The following EPN1 variants were observed in gnomAD, a reference collection of about 807,000 sequenced individuals.
EPN1 encodes epsin-1.
In EPN1, 25 loss-of-function variants were observed where a neutral mutation model predicts 56.9. The ratio of observed to expected loss-of-function variants is 0.44; its 90% CI spans 0.32 to 0.61. The LOEUF is 0.61. EPN1 is among the 20% of genes least tolerant of loss of function. The pLI is 0.05. For missense variants in EPN1, 785 were observed against 823.7 expected (o/e 0.95, Z 0.58); for synonymous variants, 411 against 361.8 (o/e 1.14, Z -1.54).
Position 55,694,414 on chromosome 19 carries a change from C to G in EPN1, c.1265-312C>G, listed in dbSNP as rs746143673. 3 of 315,346 alleles carry G rather than the reference C, an allele frequency of 9.5e-6. No individual in the cohort carries two copies. Among genetic ancestry groups the G allele is most frequent in the Non-Finnish European group, 1.7e-5 (3 of 173,568 alleles). 19.5% of individuals were successfully genotyped at this position (315,346 alleles called of 1,614,324 possible). ...TGAACACGCCCCCGCTGCCTTCCCC[C>G]GCGGGCCTATAGACCCTGGACGGCC... is the stretch of plus-strand genomic sequence containing the variant. On this transcript the variant is annotated intron_variant, in intron 9 of 10. Transcript: ENST00000270460. This position sits in a 1 kb window ranked among gnomAD's most constrained non-coding sequence, Gnocchi z 4.2.
intron 1 of EPN1, chr19:55,677,007 C>G (rs939650392): frequency 1.4e-5 from 16 of 1,107,956 alleles, no homozygotes. Flanking sequence ...TTTTGGGACT[C>G]CAGAGAGTTA....
Position 55,685,310 on chromosome 19 carries a change from G to A in EPN1, c.229-86G>A, listed in dbSNP as rs965572664. 2.5e-5 allele frequency: 38 copies of A among 1,515,916 alleles called. No individual in the cohort carries two copies. In the East Asian group the frequency reaches 7.1e-4, roughly 28 times the overall value. The allele number at this position is 1,515,916 out of a possible 1,614,324, so 93.9% of individuals were successfully genotyped here. The stretch of plus-strand genomic sequence containing the variant: ...TGGGTTGTGGGCCTTGCGCCCAGTC[G>A]GCCGCCCCAGAGCCCGCGTCGCAGG... On this transcript the variant is annotated intron_variant, in intron 2 of 10. Coordinates refer to ENST00000270460, the MANE Select transcript of EPN1 (RefSeq NM_001130072.2).
chr19:55,688,801 C>A, intron 3 of EPN1, 69 bp from the exon 4 acceptor site: 1 of 1,545,446 alleles, frequency 6.5e-7, no homozygotes, highest in Non-Finnish European at 8.7e-7. Flanking sequence ...CCCCGTCTGT[C>A]TAGGCTATGG....
intron 7 of EPN1, 48 bp from the exon 8 acceptor site, chr19:55,692,638 T>A (rs1179127089): frequency 7.8e-7 from 1 of 1,280,410 alleles, no homozygotes; most frequent in Non-Finnish European, 1.1e-6. Context: ...CCTAGCCATC[T>A]GGGCAGTCAA....
intron 2 of EPN1, among the ~76,000 whole-genome samples, chr19:55,679,312 A>C (rs1017286082): frequency 1.3e-5 from 2 of 152,252 alleles, no homozygotes; most frequent in Non-Finnish European, 2.9e-5. Flanking sequence ...CTTGGGGTCC[A>C]GGGGCCTTGG....
rs140100359 is a variant in EPN1 at position 55,682,728 on chromosome 19, C to T, written c.229-2668C>T. The stretch of plus-strand genomic sequence containing the variant: ...GGTTACAGGATTTTGCCACTGCACC[C>T]GATTTTATATATTTATTTAATTATT... On this transcript the variant is annotated intron_variant, in intron 2 of 10. Coordinates refer to ENST00000270460, the MANE Select transcript of EPN1 (RefSeq NM_001130072.2). 2.6e-5 allele frequency among the ~76,000 whole-genome samples: 4 copies of T among 151,846 alleles called. No individual in the cohort carries two copies. In the East Asian group the frequency reaches 5.8e-4, roughly 22 times the overall value.
In EPN1 at chr19:55,700,762, G is replaced by A. The variant is rs1987105701; in HGVS notation, c.*5406G>A. On this transcript the variant is annotated 3_prime_UTR_variant, in exon 11 of 11. Transcript: ENST00000270460. Reference sequence around the variant, plus strand: ...ACATGCTCTCTAGTAATCGTTGTGTGTTACTGTCAAAAGGTATAACTCATG... The same window carrying A: ...ACATGCTCTCTAGTAATCGTTGTGTATTACTGTCAAAAGGTATAACTCATG... The A allele has an allele frequency of 6.6e-6, 1 of 152,274 alleles. No homozygotes were observed. 9.4% of individuals were successfully genotyped at this position (152,274 alleles called of 1,614,324 possible).
chr19:55,690,590 G>A (rs1250614039), intron 6 of EPN1, among the ~76,000 whole-genome samples: 1 of 152,138 alleles, frequency 6.6e-6, no homozygotes, highest in African/African-American at 2.4e-5. Flanking sequence ...CTCCTCCCCT[G>A]GCCTCTCCCT....
intron 3 of EPN1, 69 bp from the exon 4 acceptor site, chr19:55,688,801 C>T: frequency 6.5e-7 from 1 of 1,545,446 alleles, no homozygotes; most frequent in Non-Finnish European, 8.7e-7. Context: ...CCCCGTCTGT[C>T]TAGGCTATGG....
At position 55,694,365 on chromosome 19, in the gene EPN1, C is replaced by G. The variant is rs1986779233; in HGVS notation, c.1265-361C>G. ...TACTCAAGGAGCGTCTGAGGGCAGG[C>G]TCCTCTGAGCCTGGAGGCACCTGTG... On this transcript the variant is annotated intron_variant, in intron 9 of 10. Transcript: ENST00000270460. The surrounding 1 kb of genome is among the most constrained non-coding windows in gnomAD (Gnocchi z 4.2). The G allele has an allele frequency of 4.2e-6, 1 of 237,838 alleles. No individual in the cohort carries two copies. The highest frequency in any genetic ancestry group is 2.2e-5 in the African/African-American group (1 of 44,536). 14.7% of individuals were successfully genotyped at this position (237,838 alleles called of 1,614,324 possible).
At chr19:55,685,903 A>C (rs565896107) in intron 3 of EPN1, among the ~76,000 whole-genome samples, 15 of 152,122 alleles carry the variant, frequency 9.9e-5, no homozygotes, top group Admixed American at 8.5e-4. Flanking sequence ...GGGAACTTTT[A>C]TTCCGCTCCC....
At position 55,706,738 on chromosome 19, in the gene EPN1, T is replaced by A. The variant is rs190142186; in HGVS notation, c.*11382T>A. On this transcript the variant is annotated 3_prime_UTR_variant, in exon 11 of 11. Coordinates refer to ENST00000270460, the MANE Select transcript of EPN1 (RefSeq NM_001130072.2). Reference sequence around the variant, plus strand: ...TTAAAAAACAATAGTAAAGAGAGATTAAAAAAAAAAAGTAAATGGGCCAGG... The same window carrying A: ...TTAAAAAACAATAGTAAAGAGAGATAAAAAAAAAAAAGTAAATGGGCCAGG... The A allele has an allele frequency of 3.5e-5, 5 of 143,858 alleles. No individual in the cohort carries two copies. Among genetic ancestry groups the A allele is most frequent in the Admixed American group, 2.1e-4 (3 of 14,418 alleles). 8.9% of individuals were successfully genotyped at this position (143,858 alleles called of 1,614,324 possible). A position where few individuals can be genotyped will look rare whatever the true frequency, so the allele number is the denominator to read the frequency against.
chr19:55,678,935 G>A, intron 2 of EPN1, 80 bp downstream of exon 2: 1 of 969,766 alleles, frequency 1.0e-6, no homozygotes, highest in Non-Finnish European at 1.6e-6. Context: ...CACCCTGCCT[G>A]GGATGGCATC....
At chr19:55,686,843 G>T (rs1259904213) in intron 3 of EPN1, among the ~76,000 whole-genome samples, 2 of 151,962 alleles carry the variant, frequency 1.3e-5, no homozygotes, top group African/African-American at 4.8e-5. Flanking sequence ...TGGGGTGGAC[G>T]GAGGAGGGAC....
chr19:55,690,946 C>T (rs186936816), intron 6 of EPN1, among the ~76,000 whole-genome samples: 98 of 152,184 alleles, frequency 6.4e-4, no homozygotes, highest in Non-Finnish European at 1.2e-3. Context: ...CCAGATCTCA[C>T]CCATCTCTTC....
chr19:55,683,746 T>C (rs1304699476), intron 2 of EPN1, among the ~76,000 whole-genome samples: 1 of 152,250 alleles, frequency 6.6e-6, no homozygotes, highest in Non-Finnish European at 1.5e-5. Flanking sequence ...GTATTCGCAC[T>C]ATTTCCTGCT....
At chr19:55,675,777 C>T (rs906419812) in intron 1 of EPN1, among the ~76,000 whole-genome samples, 9 of 152,192 alleles carry the variant, frequency 5.9e-5, no homozygotes, top group Non-Finnish European at 1.0e-4. Flanking sequence ...TTGTTCGTGT[C>T]TCGTTGAGTT....
In EPN1 at chr19:55,707,028, A is replaced by G. The variant is rs1017405795; in HGVS notation, c.*11672A>G. The stretch of plus-strand genomic sequence containing the variant: ...CATCTCTACTAAAAATACCAAAACA[A>G]AAACTAGCAGGGCATGGTGGCGCAT... On this transcript the variant is annotated 3_prime_UTR_variant, in exon 11 of 11. Coordinates refer to ENST00000270460, the MANE Select transcript of EPN1 (RefSeq NM_001130072.2). The G allele has an allele frequency of 6.6e-6, 1 of 152,154 alleles. No individual in the cohort carries two copies. The highest frequency in any genetic ancestry group is 1.5e-5 in the Non-Finnish European group (1 of 68,052). The allele number at this position is 152,154 out of a possible 1,614,324, so 9.4% of individuals were successfully genotyped here. A position where few individuals can be genotyped will look rare whatever the true frequency, so the allele number is the denominator to read the frequency against.
Position 55,684,174 on chromosome 19 carries a change from C to T in EPN1, c.229-1222C>T, listed in dbSNP as rs145873137. Reference sequence around the variant, plus strand: ...TGAAAGGCCTTGCCAGAGCTAGGTCCAGCTGCCTCAGAGGGTGAGGAGATA... The same window carrying T: ...TGAAAGGCCTTGCCAGAGCTAGGTCTAGCTGCCTCAGAGGGTGAGGAGATA... On this transcript the variant is annotated intron_variant, in intron 2 of 10. Coordinates refer to ENST00000270460, the MANE Select transcript of EPN1 (RefSeq NM_001130072.2). Among the ~76,000 whole-genome samples, 49 of 152,290 alleles carry T rather than the reference C, an allele frequency of 3.2e-4. No homozygotes were observed. The East Asian group carries it at 5.8e-3, about 18-fold the overall frequency.
Sources: gnomAD v4.1 joint callset for allele counts (sites outside exome capture counted in the v4.1 genomes callset) on GRCh38, gnomAD v4.1.1 for gene constraint, Gnocchi (gnomAD v3.1) non-coding constraint, MANE v1.5 for transcripts, NCBI Gene and HGNC (gene_info 2026-07-23, HGNC 2026-07-21) for gene names.